The following LOC131768270 variants were observed in gnomAD, a reference collection of about 807,000 sequenced individuals.
the LOC131768270 span, chr5:140,566,710 TGGA>T: frequency 1.7e-6 from 1 of 578,680 alleles, no homozygotes; most frequent in Non-Finnish European, 3.1e-6. Context: ...GTGCCCAACG[TGGA>T]GAAGACATTA....
chr5:140,565,413 C>T, the LOC131768270 span: 1 of 156,450 alleles, frequency 6.4e-6, no homozygotes, highest in Non-Finnish European at 1.4e-5. Flanking sequence ...TAAAATTGTC[C>T]AGGAAACTGC....
At chr5:140,564,934 C>A in the LOC131768270 span, 2 of 400,306 alleles carry the variant, frequency 5.0e-6, no homozygotes, top group Non-Finnish European at 8.8e-6. The surrounding 1 kb of genome is among the most constrained non-coding windows in gnomAD (Gnocchi z 5.0). Context: ...CGGGGAGAAG[C>A]GACTCTGGAG....
At chr5:140,567,513 A>G in the LOC131768270 span, 1 of 1,614,106 alleles carries the variant, frequency 6.2e-7, no homozygotes, top group Non-Finnish European at 8.5e-7. Context: ...CCCAGCACCT[A>G]CCAGGTGCTG....
the LOC131768270 span, chr5:140,568,085 T>C: frequency 1.9e-6 from 3 of 1,613,954 alleles, no homozygotes; most frequent in Admixed American, 1.7e-5. Flanking sequence ...CACAGCCGCC[T>C]TCTTCCTGGC....
the LOC131768270 span, chr5:140,567,998 A>T: frequency 6.2e-7 from 1 of 1,614,016 alleles, no homozygotes; most frequent in Non-Finnish European, 8.5e-7. Flanking sequence ...TGGCAGCAGC[A>T]TCACACGCCT....
At chr5:140,568,341 T>A in the LOC131768270 span, 1 of 831,276 alleles carries the variant, frequency 1.2e-6, no homozygotes, top group Non-Finnish European at 1.9e-6. Flanking sequence ...ATGTGAAGTG[T>A]GGGTTTGGTT....
the LOC131768270 span, chr5:140,568,305 G>A: frequency 8.0e-6 from 9 of 1,126,030 alleles, no homozygotes; most frequent in Non-Finnish European, 1.1e-5. Context: ...TCTGGAGGTT[G>A]GTGGATGAAG....
the LOC131768270 span, chr5:140,565,002 C>T: frequency 2.5e-6 from 1 of 399,158 alleles, no homozygotes; most frequent in East Asian, 3.6e-5. Flanking sequence ...ACTGCCTCAA[C>T]AGTGTGGAGT....
the LOC131768270 span, chr5:140,568,247 A>G: frequency 6.4e-7 from 1 of 1,568,084 alleles, no homozygotes; most frequent in Non-Finnish European, 8.7e-7. Flanking sequence ...GCCCTGTAAC[A>G]AGTGCCTTGT....
the LOC131768270 span, chr5:140,565,849 G>C: frequency 5.0e-6 from 2 of 398,824 alleles, no homozygotes; most frequent in Non-Finnish European, 8.8e-6. Context: ...CAGACTGCTG[G>C]AGCCAGCCTC....
At chr5:140,568,987 C>T in the LOC131768270 span, 1 of 167,118 alleles carries the variant, frequency 6.0e-6, no homozygotes, top group Non-Finnish European at 1.5e-5. Context: ...CACAGAGTGA[C>T]CTGAGACCAG....
the LOC131768270 span, chr5:140,565,758 T>C: frequency 2.5e-6 from 1 of 395,838 alleles, no homozygotes; most frequent in Non-Finnish European, 4.4e-6. Flanking sequence ...GAAGCTTTTA[T>C]AGGAAAAGGT....
At chr5:140,568,465 G>T in the LOC131768270 span, 2 of 396,646 alleles carry the variant, frequency 5.0e-6, no homozygotes, top group Non-Finnish European at 9.7e-6. Context: ...GCAGCTCCCT[G>T]CTTTGTCCTG....
the LOC131768270 span, chr5:140,567,057 C>G: frequency 6.5e-7 from 1 of 1,533,058 alleles, no homozygotes; most frequent in Non-Finnish European, 9.0e-7. Context: ...TCAGTATTCT[C>G]TCTGGCAATG....
chr5:140,567,699 C>T, the LOC131768270 span: 10 of 1,614,016 alleles, frequency 6.2e-6, no homozygotes, highest in Admixed American at 6.7e-5. Flanking sequence ...GCAGCTGCTG[C>T]CAGCCCCATG....
At chr5:140,567,315 G>A in the LOC131768270 span, 65 of 1,614,098 alleles carry the variant, frequency 4.0e-5, no homozygotes, top group African/African-American at 4.7e-4. Context: ...GTGCCCTTCC[G>A]GCCCTCCTCA....
chr5:140,568,618 A>G, the LOC131768270 span: 5 of 188,840 alleles, frequency 2.6e-5, no homozygotes, highest in Non-Finnish European at 6.1e-5. Flanking sequence ...TCACCCTTCC[A>G]CTTTCATGCA....
At chr5:140,568,162 C>G in the LOC131768270 span, 2 of 1,613,728 alleles carry the variant, frequency 1.2e-6, no homozygotes. Context: ...CAACTTCCAC[C>G]CTGATTCCGG....
the LOC131768270 span, chr5:140,566,910 A>C: frequency 7.8e-6 from 5 of 643,710 alleles, no homozygotes; most frequent in Non-Finnish European, 1.4e-5. Context: ...TGTGGACAGT[A>C]GTTCCTCAGC....
Sources: gnomAD v4.1 joint callset for allele counts on GRCh38, gnomAD v4.1.1 for gene constraint, Gnocchi (gnomAD v3.1) non-coding constraint, MANE v1.5 for transcripts.